Variants in KCNN2 observed in about 807,000 individuals in gnomAD.
KCNN2 encodes small conductance calcium-activated potassium channel protein 2.
Under a neutral mutation model 55.5 loss-of-function variants are expected in KCNN2, and 24 were observed. The observed-to-expected ratio is 0.43, with a 90% confidence interval of 0.31 to 0.61. KCNN2 has a LOEUF of 0.61. Ranked by LOEUF, KCNN2 falls within the 20% of genes least tolerant of loss-of-function variation. The pLI is 0.08. For missense variants in KCNN2, 754 were observed against 853.6 expected, an observed-to-expected ratio of 0.88 and a Z score of 1.45; for synonymous variants, 431 against 336.1, an observed-to-expected ratio of 1.28 and a Z score of -3.09.
intron 3 of KCNN2, among the ~76,000 whole-genome samples, chr5:114,461,122 G>A (rs997947173): frequency 6.6e-6 from 1 of 152,144 alleles, no homozygotes; most frequent in Non-Finnish European, 1.5e-5. Flanking sequence ...CGCATAGCAG[G>A]CTCCCAGAGC....
chr5:114,281,159 T>C (rs1755615860), intron 2 of KCNN2, among the ~76,000 whole-genome samples: 1 of 152,178 alleles, frequency 6.6e-6, no homozygotes, highest in Non-Finnish European at 1.5e-5. Flanking sequence ...CAAGGAAATA[T>C]GCTTAACATT....
chr5:114,237,290 A>ACACACT (rs70976324), intron 2 of KCNN2, among the ~76,000 whole-genome samples: 19 of 140,124 alleles, frequency 1.4e-4, no homozygotes, highest in Non-Finnish European at 2.7e-4. Context: ...ACACACACAC[A>ACACACT]CTCACACACA....
At chr5:114,313,628 T>C (rs771993981) in intron 2 of KCNN2, among the ~76,000 whole-genome samples, 4 of 152,154 alleles carry the variant, frequency 2.6e-5, no homozygotes, top group Non-Finnish European at 5.9e-5. Flanking sequence ...ATCTACAAGA[T>C]ATCCAAGGAG....
At chr5:114,238,711 G>T (rs1754559823) in intron 2 of KCNN2, among the ~76,000 whole-genome samples, 1 of 152,084 alleles carries the variant, frequency 6.6e-6, no homozygotes, top group Non-Finnish European at 1.5e-5. Flanking sequence ...ACCATAGGGA[G>T]CTGGCATGGC....
chr5:114,193,842 T>C (rs1042990662), intron 1 of KCNN2, among the ~76,000 whole-genome samples: 3 of 152,168 alleles, frequency 2.0e-5, no homozygotes, highest in Admixed American at 2.0e-4. Flanking sequence ...TAAGTGTGTG[T>C]TTTTATTTTC....
intron 1 of KCNN2, among the ~76,000 whole-genome samples, chr5:114,207,380 A>G (rs1468681520): frequency 6.6e-6 from 1 of 152,200 alleles, no homozygotes; most frequent in Non-Finnish European, 1.5e-5. Context: ...AGAATAGAAA[A>G]TGGTATATCG....
intron 3 of KCNN2, among the ~76,000 whole-genome samples, chr5:114,418,059 C>T (rs1247364497): frequency 6.6e-6 from 1 of 152,152 alleles, no homozygotes; most frequent in African/African-American, 2.4e-5. Context: ...TGATAATTAA[C>T]ACTTAATGAG....
chr5:114,471,530 T>TATAG (rs1761746585), intron 4 of KCNN2, among the ~76,000 whole-genome samples: 1 of 152,142 alleles, frequency 6.6e-6, no homozygotes, highest in African/African-American at 2.4e-5. Flanking sequence ...TGATCCTAAA[T>TATAG]ATAGATATAG....
At chr5:114,445,950 C>T (rs1760388780) in intron 3 of KCNN2, among the ~76,000 whole-genome samples, 1 of 152,190 alleles carries the variant, frequency 6.6e-6, no homozygotes, top group Non-Finnish European at 1.5e-5. Flanking sequence ...AAGTGACCAG[C>T]ATAGGCTTAA....
intron 3 of KCNN2, among the ~76,000 whole-genome samples, chr5:114,406,333 GTT>G (rs770646411): frequency 4.9e-5 from 7 of 141,666 alleles, no homozygotes; most frequent in Non-Finnish European, 7.7e-5. Context: ...GTGGAAGTCA[GTT>G]TTTTTTTTTT....
intron 1 of KCNN2, among the ~76,000 whole-genome samples, chr5:114,207,884 G>T (rs1316873091): frequency 6.6e-6 from 1 of 152,168 alleles, no homozygotes; most frequent in African/African-American, 2.4e-5. Flanking sequence ...TAAAGTGATA[G>T]CAAATACAGT....
intron 2 of KCNN2, among the ~76,000 whole-genome samples, chr5:114,229,936 A>C (rs976976791): frequency 6.6e-6 from 1 of 152,170 alleles, no homozygotes; most frequent in Non-Finnish European, 1.5e-5. Flanking sequence ...TACAGCTGGA[A>C]CACACGTAAC....
intron 2 of KCNN2, among the ~76,000 whole-genome samples, chr5:114,278,544 A>G (rs3101086): frequency 0.9 from 136,605 of 151,996 alleles, 61,764 homozygotes; most frequent in East Asian, 0.94. Context: ...TACATTGTGA[A>G]CATAGAACCA....
chr5:114,277,748 T>G (rs1220969278), intron 2 of KCNN2, among the ~76,000 whole-genome samples: 1 of 152,194 alleles, frequency 6.6e-6, no homozygotes, highest in Non-Finnish European at 1.5e-5. Flanking sequence ...TAACCTTTTT[T>G]CAAGGTTTTT....
intron 2 of KCNN2, among the ~76,000 whole-genome samples, chr5:114,384,850 C>T (rs768656909): frequency 6.6e-6 from 1 of 152,098 alleles, no homozygotes; most frequent in Non-Finnish European, 1.5e-5. Context: ...GAGTGGGAGC[C>T]TACGTGACAC....
At chr5:114,249,867 A>G (rs1270350600) in intron 2 of KCNN2, among the ~76,000 whole-genome samples, 1 of 152,208 alleles carries the variant, frequency 6.6e-6, no homozygotes, top group Non-Finnish European at 1.5e-5. Flanking sequence ...CTTGCAGGTA[A>G]GGATAAATAT....
intron 2 of KCNN2, 76 bp from the exon 3 acceptor site, chr5:114,404,362 T>C: frequency 8.5e-7 from 1 of 1,175,834 alleles, no homozygotes. Context: ...ATCTGTTGTG[T>C]GTTTTTAAAA....
intron 1 of KCNN2, among the ~76,000 whole-genome samples, chr5:114,202,403 C>T (rs1222302102): frequency 6.6e-6 from 1 of 151,478 alleles, no homozygotes; most frequent in Non-Finnish European, 1.5e-5. Flanking sequence ...ATTACCTTGT[C>T]TCTGTGAATT....
chr5:114,073,381 C>T (rs1213826347), intron 1 of KCNN2, among the ~76,000 whole-genome samples: 1 of 152,206 alleles, frequency 6.6e-6, no homozygotes, highest in Non-Finnish European at 1.5e-5. Flanking sequence ...CTCTTTTCCT[C>T]TAAATCTGTA....
Sources: gnomAD v4.1 joint callset for allele counts (sites outside exome capture counted in the v4.1 genomes callset) on GRCh38, gnomAD v4.1.1 for gene constraint, MANE v1.5 for transcripts, NCBI Gene and HGNC (gene_info 2026-07-23, HGNC 2026-07-21) for gene names.